The following RNF44 variants were observed in gnomAD, a reference collection of about 807,000 sequenced individuals.
The protein encoded by RNF44 is ring finger protein 44.
In RNF44, 25 loss-of-function variants were observed where a neutral mutation model predicts 53.6. The ratio of observed to expected loss-of-function variants is 0.47; its 90% confidence interval spans 0.34 to 0.65. RNF44 has a LOEUF of 0.65. Among genes scored for constraint, RNF44 ranks in the 30% least tolerant of loss-of-function variants. The pLI is 0.01. For synonymous variants in RNF44, 282 were observed against 252.2 expected, an observed-to-expected ratio of 1.12 and a Z score of -1.12; for missense variants, 581 against 595.5, an observed-to-expected ratio of 0.98 and a Z score of 0.25.
chr5:176,529,911 AGAACGTTGCAGCGGG>A, intron 7 of RNF44, 93 bp from the exon 8 acceptor site: 1 of 1,404,244 alleles, frequency 7.1e-7, no homozygotes, highest in Admixed American at 2.7e-5. Context: ...AACAGAGCCC[AGAACGTTGCAGCGGG>A]GAAGGGAGCC....
chr5:176,531,896 TC>T lies in RNF44; in HGVS notation c.297+107del. ...CCTGTAAAGCAGGGCCAATAATGCC[TC>T]CCTGGAACGTGAAATGAAGCAAGCT... On this transcript the variant is annotated intron_variant, in intron 3 of 10. Coordinates refer to ENST00000274811, the MANE Select transcript of RNF44 (RefSeq NM_014901.5). The surrounding 1 kb of genome is among the most constrained non-coding windows in gnomAD (Gnocchi z 4.2). 1 of 1,244,858 alleles carries T rather than the reference TC, an allele frequency of 8.0e-7. No individual in the cohort carries two copies. The highest frequency in any genetic ancestry group is 1.1e-6 in the Non-Finnish European group (1 of 901,584). The allele number at this position is 1,244,858 out of a possible 1,614,324, so 77.1% of individuals were successfully genotyped here. A position where few individuals can be genotyped will look rare whatever the true frequency, so the allele number is the denominator to read the frequency against.
At position 176,530,655 on chromosome 5, in the gene RNF44, G is replaced by C; in HGVS notation, c.728C>G (p.Pro243Arg). 1 of 1,533,966 alleles carries C rather than the reference G, an allele frequency of 6.5e-7. No individual in the cohort carries two copies. Residue 243 changes from proline (P) to arginine (R), a missense_variant, in exon 6 of 11, where the codon CCA becomes CGA. Around this residue, in one of 3 missense-constraint regions of RNF44, gnomAD observed 387 missense variants for 366.0 expected, o/e 1.06. Coordinates refer to ENST00000274811, the MANE Select transcript of RNF44 (RefSeq NM_014901.5). ...CAGGGGCACCGACGGGGAAAGGGCTGGGCCAGGCGCAGAGGTGGAGTAGGT... is the reference window on the plus strand; with the variant it reads ...CAGGGGCACCGACGGGGAAAGGGCTCGGCCAGGCGCAGAGGTGGAGTAGGT... Reference protein sequence around the residue: ...SFTYSTSAPGPALSPSVPLHY... With the variant: ...SFTYSTSAPGRALSPSVPLHY...
intron 6 of RNF44, 33 bp downstream of exon 6, chr5:176,530,520 GGCCCAGCGGGTCTGCCTCCCAGCTGCCCT>G: frequency 1.5e-6 from 2 of 1,338,550 alleles, no homozygotes; most frequent in Non-Finnish European, 1.9e-6. Flanking sequence ...GATGCAGGTC[GGCCCAGCGGGTCTGCCTCCCAGCTGCCCT>G]GGAGCCCAGG....
chr5:176,529,555 A>G lies in RNF44; in HGVS notation c.1104T>C (p.Phe368=). The change falls in exon 9 of 11, where the codon TTT becomes TTC. Residue 368 remains phenylalanine, a synonymous_variant. Coordinates refer to ENST00000274811, the MANE Select transcript of RNF44 (RefSeq NM_014901.5). ...GCTCCGACTGATGGCTGTCCGGGTTAAAGCGGTACGACGGGAGCTGCTCTA... is the reference window on the plus strand; with the variant it reads ...GCTCCGACTGATGGCTGTCCGGGTTGAAGCGGTACGACGGGAGCTGCTCTA... ...ADIEQLPSYR[F]NPDSHQSEQT... 1 of 1,614,032 alleles carries G rather than the reference A, an allele frequency of 6.2e-7. No individual in the cohort carries two copies. The highest frequency in any genetic ancestry group is 1.3e-5 in the African/African-American group (1 of 75,058).
In RNF44 at chr5:176,531,140, AT is replaced by A. The variant is rs1270722388; in HGVS notation, c.466-120del. 5.9e-4 allele frequency: 435 copies of A among 740,902 alleles called. 2 individuals are homozygous for A. The highest frequency in any genetic ancestry group is 1.4e-3 in the East Asian group (48 of 33,716). 45.9% of individuals were successfully genotyped at this position (740,902 alleles called of 1,614,324 possible). ...CACACCCAGCAGCTCCAGGGTCTGTATAAGAAACCCTGTGGAAGGCCCATCC... is the reference window on the plus strand; with the variant it reads ...CACACCCAGCAGCTCCAGGGTCTGTAAAGAAACCCTGTGGAAGGCCCATCC... On this transcript the variant is annotated intron_variant, in intron 4 of 10. Transcript: ENST00000274811. This position sits in a 1 kb window ranked among gnomAD's most constrained non-coding sequence, Gnocchi z 4.2.
intron 1 of RNF44, among the ~76,000 whole-genome samples, chr5:176,533,211 C>G (rs1756860922): frequency 6.6e-6 from 1 of 152,216 alleles, no homozygotes; most frequent in African/African-American, 2.4e-5. Context: ...GGATTCCAAA[C>G]AGGCCTGGGA....
At chr5:176,529,915 C>A (rs1404718407) in intron 7 of RNF44, 97 bp from the exon 8 acceptor site, 2 of 1,404,100 alleles carry the variant, frequency 1.4e-6, no homozygotes, top group Non-Finnish European at 1.9e-6. Flanking sequence ...GAGCCCAGAA[C>A]GTTGCAGCGG....
In RNF44 at chr5:176,530,096, G is replaced by T; in HGVS notation, c.912C>A (p.Phe304Leu). The T allele has an allele frequency of 7.6e-7, 1 of 1,316,046 alleles. No individual in the cohort carries two copies. The highest frequency in any genetic ancestry group is 9.7e-7 in the Non-Finnish European group (1 of 1,029,492). 81.5% of individuals were successfully genotyped at this position (1,316,046 alleles called of 1,614,324 possible). The change falls in exon 7 of 11, where the codon TTC (phenylalanine) becomes TTA (leucine). Residue 304 changes from phenylalanine to leucine, a missense_variant. Coordinates refer to ENST00000274811, the MANE Select transcript of RNF44 (RefSeq NM_014901.5). Reference sequence around the variant, plus strand: ...CGGATACTTACAGGAAGTAGGGCAGGAAGCTGGGGTAGTAGGGTGGTGGGG... The same window carrying T: ...CGGATACTTACAGGAAGTAGGGCAGTAAGCTGGGGTAGTAGGGTGGTGGGG... Reference protein sequence around the residue: ...PPPPPPYYPSFLPYFLSMLPM... With the variant: ...PPPPPPYYPSLLPYFLSMLPM...
At chr5:176,536,302 T>C (rs1757165106) in intron 1 of RNF44, 1 of 152,232 alleles carries the variant, frequency 6.6e-6, no homozygotes, top group African/African-American at 2.4e-5. Flanking sequence ...AGCTATAAAA[T>C]GGGGGTGGAA....
At chr5:176,533,245 C>T (rs530452292) in intron 1 of RNF44, among the ~76,000 whole-genome samples, 1 of 152,314 alleles carries the variant, frequency 6.6e-6, no homozygotes, top group Admixed American at 6.5e-5. Context: ...TTACTGGTGC[C>T]AGGCAAGAGG....
chr5:176,537,742 C>G (rs959281145), upstream of RNF44: 1 of 152,266 alleles, frequency 6.6e-6, no homozygotes, highest in Non-Finnish European at 1.5e-5. Context: ...GTGTCATGGT[C>G]CCCTCCTCGG....
rs1393496801 is a variant in RNF44, at chr5:176,527,516, A to G, written c.*1512T>C. On this transcript the variant is annotated 3_prime_UTR_variant, in exon 11 of 11. Coordinates refer to ENST00000274811, the MANE Select transcript of RNF44 (RefSeq NM_014901.5). ...ACACTGCTATAAATATAGAAACGTC[A>G]CCTGGAGTTATATACAGTAAGACTT... is the stretch of plus-strand genomic sequence containing the variant. 1 of 152,372 alleles carries G rather than the reference A, an allele frequency of 6.6e-6. No homozygotes were observed. Among genetic ancestry groups the G allele is most frequent in the Non-Finnish European group, 1.5e-5 (1 of 68,012 alleles). The allele number at this position is 152,372 out of a possible 1,614,324, so 9.4% of individuals were successfully genotyped here. A position where few individuals can be genotyped will look rare whatever the true frequency, so the allele number is the denominator to read the frequency against.
chr5:176,530,489 T>C, intron 6 of RNF44, 93 bp downstream of exon 6: 1 of 1,294,832 alleles, frequency 7.7e-7, no homozygotes, highest in East Asian at 3.2e-5. Context: ...TGGGCCTGCC[T>C]CCCAGCTGCC....
chr5:176,529,079 C>T lies in RNF44; in HGVS notation c.1248G>A (p.Thr416=), dbSNP rs147139821. The change falls in exon 11 of 11, where the codon ACG becomes ACA. Residue 416 remains threonine (T), a synonymous_variant. Coordinates refer to ENST00000274811, the MANE Select transcript of RNF44 (RefSeq NM_014901.5). ...CVDKWLKANR[T]CPICRADASE... ...AGGCGTCGGCCCGGCAGATGGGACA[C>T]GTCCGGTTGGCCTGTGGGAACATGC... is the stretch of plus-strand genomic sequence containing the variant. The T allele has an allele frequency of 4.4e-5, 71 of 1,613,166 alleles. No homozygotes were observed. Among genetic ancestry groups the T allele is most frequent in the African/African-American group, 3.1e-4 (23 of 75,056 alleles).
chr5:176,543,001 G>A (rs369907211), upstream of RNF44, among the ~76,000 whole-genome samples: 11 of 152,226 alleles, frequency 7.2e-5, no homozygotes, highest in East Asian at 1.6e-3. The surrounding 1 kb of genome is among the most constrained non-coding windows in gnomAD (Gnocchi z 4.0). Context: ...GACGTGCGCG[G>A]GGCGCAGGGC....
chr5:176,530,417 GCAAGTCAGCCCAGCA>G (rs1756512444), intron 6 of RNF44, among the ~76,000 whole-genome samples, 150 bp downstream of exon 6: 1 of 121,020 alleles, frequency 8.3e-6, no homozygotes, highest in African/African-American at 2.9e-5. Flanking sequence ...GAGCCCAGGT[GCAAGTCAGCCCAGCA>G]GGCCTGCCTC....
In RNF44 at chr5:176,530,035, A is replaced by G. The variant is rs201561309; in HGVS notation, c.926+47T>C. The stretch of plus-strand genomic sequence containing the variant: ...TTTAGGTCTAACCACTGGAGGTTCC[A>G]GGAGAACAGGGCATCAGGGACCTGG... On this transcript the variant is annotated intron_variant, in intron 7 of 10. Coordinates refer to ENST00000274811, the MANE Select transcript of RNF44 (RefSeq NM_014901.5). 228 of 1,402,984 alleles carry G rather than the reference A, an allele frequency of 1.6e-4. No homozygotes were observed. The African/African-American group carries it at 2.6e-3, about 16-fold the overall frequency. The allele number at this position is 1,402,984 out of a possible 1,614,324, so 86.9% of individuals were successfully genotyped here. A position where few individuals can be genotyped will look rare whatever the true frequency, so the allele number is the denominator to read the frequency against.
rs889655154 is a variant in RNF44, at chr5:176,530,645, G to A, written c.738C>T (p.Ser246=). The part of the protein sequence containing the change: ...YSTSAPGPAL[S]PSVPLHYLPH... The stretch of plus-strand genomic sequence containing the variant: ...GCAGGTAGTGCAGGGGCACCGACGG[G>A]GAAAGGGCTGGGCCAGGCGCAGAGG... Residue 246 remains serine, a synonymous_variant, in exon 6 of 11, where the codon TCC becomes TCT. Coordinates refer to ENST00000274811, the MANE Select transcript of RNF44 (RefSeq NM_014901.5). 2 of 1,524,278 alleles carry A rather than the reference G, an allele frequency of 1.3e-6. No individual in the cohort carries two copies. Among genetic ancestry groups the A allele is most frequent in the Non-Finnish European group, 1.8e-6 (2 of 1,138,858 alleles). The allele number at this position is 1,524,278 out of a possible 1,614,324, so 94.4% of individuals were successfully genotyped here.
rs1392933809 is a variant in RNF44, at chr5:176,531,434, T to G, written c.465+29A>C. The G allele has an allele frequency of 8.4e-6, 13 of 1,539,026 alleles. No individual in the cohort carries two copies. The highest frequency in any genetic ancestry group is 1.1e-5 in the Non-Finnish European group (12 of 1,142,226). On this transcript the variant is annotated intron_variant, in intron 4 of 10. Coordinates refer to ENST00000274811, the MANE Select transcript of RNF44 (RefSeq NM_014901.5). This position sits in a 1 kb window ranked among gnomAD's most constrained non-coding sequence, Gnocchi z 4.2. ...GCCTGTGCCTGGGGCTTGCAGCTGGTGGAGGAGGAGCTAGAAACACTCACT... is the reference window on the plus strand; with the variant it reads ...GCCTGTGCCTGGGGCTTGCAGCTGGGGGAGGAGGAGCTAGAAACACTCACT...
Sources: gnomAD v4.1 joint callset for allele counts (sites outside exome capture counted in the v4.1 genomes callset) on GRCh38, gnomAD v4.1.1 for gene constraint, gnomAD v4.1.1 regional missense constraint, Gnocchi (gnomAD v3.1) non-coding constraint, MANE v1.5 for transcripts, NCBI Gene and HGNC (gene_info 2026-07-23, HGNC 2026-07-21) for gene names.